The following CSF1R variants were observed in gnomAD, a reference collection of about 807,000 sequenced individuals.
CSF1R encodes macrophage colony-stimulating factor 1 receptor.
CSF1R carries 40 observed loss-of-function variants against 110.0 expected under a neutral mutation model. The observed-to-expected ratio is 0.36, with a 90% CI of 0.28 to 0.47. The LOEUF (loss-of-function observed/expected upper bound fraction) is 0.47. Ranked by LOEUF, CSF1R falls within the 20% of genes least tolerant of loss-of-function variation. The pLI, the probability that CSF1R is intolerant of heterozygous loss-of-function variation, is 0.99. For synonymous variants in CSF1R, 523 were observed against 503.4 expected, an observed-to-expected ratio of 1.04 and a Z score of -0.52; for missense variants, 1,052 against 1,253.0, an observed-to-expected ratio of 0.84 and a Z score of 2.42.
At chr5:150,059,902 T>C (rs1402155035) in intron 13 of CSF1R, 40 bp from the exon 14 acceptor site, 2 of 1,580,912 alleles carry the variant, frequency 1.3e-6, no homozygotes, top group Admixed American at 3.4e-5. Context: ...AGGTGCTGAG[T>C]GCTCCCCTCC....
In CSF1R at chr5:150,105,384, A is replaced by ATTT. The variant is rs35556562; in HGVS notation, c.-181+7874_-181+7876dup. On this transcript the variant is annotated intron_variant, in intron 1 of 21. Transcript: ENST00000286301. The stretch of plus-strand genomic sequence containing the variant: ...AAAAAATATATATATATATATATAT[A>ATTT]TTTTTTTTTTTTTAATAGAGGCGGG... 8.5e-3 allele frequency among the ~76,000 whole-genome samples: 712 copies of ATTT among 84,228 alleles called. 2 individuals carry two copies. Among genetic ancestry groups the ATTT allele is most frequent in the Admixed American group, 0.016 (101 of 6,434 alleles). The allele number at this position is 84,228 out of a possible 152,430, so 55.3% of individuals were successfully genotyped here.
rs142954293 is a variant in CSF1R at position 150,098,277 on chromosome 5, A to T, written c.-180-11670T>A. The T allele has an allele frequency of 3.9e-3, 597 of 152,362 alleles. 2 individuals carry two copies. The highest frequency in any genetic ancestry group is 0.013 in the African/African-American group (546 of 41,588). The allele number at this position is 152,362 out of a possible 1,614,324, so 9.4% of individuals were successfully genotyped here. ...AAAATTATCTCAAAATGGATCAAAG[A>T]CCTAAATGCAAAACCATACAACTAT... On this transcript the variant is annotated intron_variant, in intron 1 of 21. Coordinates refer to the CSF1R transcript ENST00000286301.
upstream of CSF1R, among the ~76,000 whole-genome samples, chr5:150,090,788 T>A (rs1225105400): frequency 3.3e-5 from 5 of 151,810 alleles, no homozygotes; most frequent in Admixed American, 6.6e-5. Flanking sequence ...CACACGGATA[T>A]AAAGATGGAA....
chr5:150,070,378 G>T lies in CSF1R; in HGVS notation c.1199-76C>A, dbSNP rs923767926. On this transcript the variant is annotated intron_variant, in intron 7 of 20. Transcript: ENST00000675795. ...AATCTCCCAGTACCTACTTCCCTGT[G>T]CCCTGCCCCAGTCAACCCCATCCCT... The T allele has an allele frequency of 1.9e-6, 3 of 1,583,174 alleles. No homozygotes were observed. The African/African-American group carries it at 4.0e-5, about 21-fold the overall frequency.
chr5:150,079,718 G>A (rs983467782), intron 3 of CSF1R, among the ~76,000 whole-genome samples: 22 of 152,122 alleles, frequency 1.4e-4, no homozygotes, highest in African/African-American at 5.3e-4. Flanking sequence ...TCAGATTTCC[G>A]CTCTAATAAA....
chr5:150,061,361 C>A, intron 12 of CSF1R, 130 bp downstream of exon 12: 1 of 790,922 alleles, frequency 1.3e-6, no homozygotes, highest in East Asian at 2.7e-5. Context: ...CCCAAGTCCT[C>A]ACCCCTGAGC....
chr5:150,093,816 C>A (rs1319531242), intron 1 of CSF1R, among the ~76,000 whole-genome samples: 1 of 152,172 alleles, frequency 6.6e-6, no homozygotes, highest in Non-Finnish European at 1.5e-5. Flanking sequence ...GTAATCCCAG[C>A]ACTTTGGGAG....
At chr5:150,083,842 T>C (rs1380731961) in intron 1 of CSF1R, among the ~76,000 whole-genome samples, 1 of 152,202 alleles carries the variant, frequency 6.6e-6, no homozygotes, top group Non-Finnish European at 1.5e-5. Context: ...TGAACCGAGA[T>C]AATTGACTGT....
At chr5:150,110,062 C>CAGT (rs55846809) in intron 1 of CSF1R, among the ~76,000 whole-genome samples, 41,550 of 151,998 alleles carry the variant, frequency 0.27, 6,182 homozygotes, top group Middle Eastern at 0.38. Context: ...CAGTCCTAAT[C>CAGT]AGTTCACATC....
chr5:150,062,125 C>T (rs542828576), intron 10 of CSF1R, among the ~76,000 whole-genome samples: 1 of 152,192 alleles, frequency 6.6e-6, no homozygotes, highest in East Asian at 1.9e-4. Flanking sequence ...CTCTGAGGGC[C>T]CTGATATCTC....
At chr5:150,055,112 T>A (rs551535252) in intron 19 of CSF1R, 125 bp downstream of exon 19, 1 of 783,892 alleles carries the variant, frequency 1.3e-6, no homozygotes, top group East Asian at 2.6e-5. Flanking sequence ...GTGTCCACTA[T>A]GGGAGAGATA....
rs1239853632 is a variant in CSF1R at position 150,054,449 on chromosome 5, G to A, written c.2655-19C>T. The A allele has an allele frequency of 3.1e-6, 5 of 1,598,214 alleles. No homozygotes were observed. Among genetic ancestry groups the A allele is most frequent in the East Asian group, 4.5e-5 (2 of 44,728 alleles). ...GCTGTATCTGGGAGATAGGACAGAG[G>A]ATGCCCATGGGCAGCTCCCTAGGGT... On this transcript the variant is annotated intron_variant, in intron 19 of 20. Coordinates refer to ENST00000675795, the MANE Select transcript of CSF1R (RefSeq NM_001288705.3).
At chr5:150,085,329 A>T (rs1024742112) in intron 1 of CSF1R, among the ~76,000 whole-genome samples, 29 of 149,330 alleles carry the variant, frequency 1.9e-4, no homozygotes, top group Admixed American at 1.1e-3. Flanking sequence ...TGCCTGGGCC[A>T]GAGAAGGATG....
At chr5:150,109,159 AC>A (rs1307347775) in intron 1 of CSF1R, among the ~76,000 whole-genome samples, 1 of 150,976 alleles carries the variant, frequency 6.6e-6, no homozygotes, top group African/African-American at 2.4e-5. Context: ...GAGATCTGGA[AC>A]TGGACCTAGA....
intron 1 of CSF1R, among the ~76,000 whole-genome samples, chr5:150,103,813 G>T (rs1759471006): frequency 6.6e-6 from 1 of 152,186 alleles, no homozygotes; most frequent in African/African-American, 2.4e-5. Flanking sequence ...GTGGAGATGG[G>T]AGTAGAAAGG....
rs376440063 is a variant in CSF1R, at chr5:150,085,906, G to A, written c.49+473C>T. 6.6e-5 allele frequency among the ~76,000 whole-genome samples: 10 copies of A among 151,250 alleles called. No homozygotes were observed. The East Asian group carries it at 1.2e-3, about 18-fold the overall frequency. ...AGTGTAGGTCTGGACCAGCAGTGCC[G>A]GCATCTCACATCTCCCAGGAGTGTG... On this transcript the variant is annotated intron_variant, in intron 1 of 20. Coordinates refer to ENST00000675795, the MANE Select transcript of CSF1R (RefSeq NM_001288705.3).
At chr5:150,108,951 A>G (rs1025317918) in intron 1 of CSF1R, among the ~76,000 whole-genome samples, 2 of 152,102 alleles carry the variant, frequency 1.3e-5, no homozygotes, top group South Asian at 2.1e-4. Flanking sequence ...CCCCAGGCCA[A>G]TGGTCCCTCG....
At chr5:150,101,840 C>T (rs535933689) in intron 1 of CSF1R, among the ~76,000 whole-genome samples, 3 of 152,100 alleles carry the variant, frequency 2.0e-5, no homozygotes, top group South Asian at 2.1e-4. Flanking sequence ...TGGGCACAGA[C>T]GAGCTCATCC....
Position 150,068,212 on chromosome 5 carries a change from C to G in CSF1R, c.1626+3G>C, listed in dbSNP as rs41424145. ...CTGGCAGCCCCACTCCGCTCCGGCT[C>G]ACCTGCTTATACTTGTACAATAGCA... is the stretch of plus-strand genomic sequence containing the variant. On this transcript the variant is annotated splice_donor_region_variant and intron_variant, in intron 10 of 20. Coordinates refer to ENST00000675795, the MANE Select transcript of CSF1R (RefSeq NM_001288705.3). The G allele has an allele frequency of 1.1e-5, 17 of 1,608,482 alleles. No individual in the cohort carries two copies. The highest frequency in any genetic ancestry group is 1.4e-5 in the Non-Finnish European group (17 of 1,178,572).
Sources: allele counts gnomAD v4.1 joint callset (sites outside exome capture counted in the v4.1 genomes callset), GRCh38; gene constraint gnomAD v4.1.1; transcripts MANE v1.5; gene names NCBI Gene and HGNC (gene_info 2026-07-23, HGNC 2026-07-21).